Variants in PRKACB observed in about 807,000 individuals in gnomAD.
PRKACB encodes protein kinase cAMP-activated catalytic subunit beta, also known as cAMP-dependent protein kinase catalytic subunit beta.
A neutral mutation model predicts 51.4 loss-of-function variants in PRKACB; 16 were observed. The observed-to-expected ratio is 0.31, with a 90% CI of 0.21 to 0.47. The LOEUF (loss-of-function observed/expected upper bound fraction) is 0.47. Ranked by LOEUF, PRKACB falls within the 20% of genes least tolerant of loss-of-function variation. The probability of loss-of-function intolerance (pLI) is 1.00; values close to 1 mark genes in which losing one functional copy is unlikely to be tolerated. For synonymous variants in PRKACB, 147 were observed against 154.4 expected, an observed-to-expected ratio of 0.95 and a Z score of 0.35; for missense variants, 309 against 464.5, an observed-to-expected ratio of 0.67 and a Z score of 3.08.
In PRKACB at chr1:84,235,451, G is replaced by A; in HGVS notation, c.*146G>A. On this transcript the variant is annotated 3_prime_UTR_variant, in exon 10 of 10. Transcript: ENST00000370685. ...GAGGTCTTTATTGCCATCATCCCGT[G>A]TGCGCACTCTGCATCCACCTATGTA... 2 of 1,036,428 alleles carry A rather than the reference G, an allele frequency of 1.9e-6. No individual in the cohort carries two copies. Among genetic ancestry groups the A allele is most frequent in the Non-Finnish European group, 1.4e-6 (1 of 712,786 alleles). 64.2% of individuals were successfully genotyped at this position (1,036,428 alleles called of 1,614,324 possible). A position where few individuals can be genotyped will look rare whatever the true frequency, so the allele number is the denominator to read the frequency against.
chr1:84,209,351 T>A (rs1671800386), intron 8 of PRKACB, among the ~76,000 whole-genome samples: 1 of 151,994 alleles, frequency 6.6e-6, no homozygotes, highest in Non-Finnish European at 1.5e-5. Flanking sequence ...AACTGACAAG[T>A]TTTTGTCCTC....
chr1:84,148,566 C>T (rs145288711), intron 1 of PRKACB, among the ~76,000 whole-genome samples: 22 of 152,126 alleles, frequency 1.4e-4, no homozygotes, highest in Non-Finnish European at 2.8e-4. Flanking sequence ...AACATCACTG[C>T]AGTATTACAC....
intron 1 of PRKACB, chr1:84,175,914 G>A (rs1032524373): frequency 2.3e-6 from 2 of 874,030 alleles, no homozygotes; most frequent in East Asian, 3.1e-5. Context: ...TTAATTTTTT[G>A]TGTGTCCTCT....
At chr1:84,126,266 A>G (rs1651597675) in intron 1 of PRKACB, among the ~76,000 whole-genome samples, 1 of 152,180 alleles carries the variant, frequency 6.6e-6, no homozygotes, top group Admixed American at 6.5e-5. Flanking sequence ...TCCAGGAAGA[A>G]TAAGGTCATA....
intron 5 of PRKACB, among the ~76,000 whole-genome samples, chr1:84,193,295 G>A (rs1433381175): frequency 6.6e-6 from 1 of 152,066 alleles, no homozygotes; most frequent in Non-Finnish European, 1.5e-5. Context: ...CTCCAATGGG[G>A]GTACTTCATG....
At chr1:84,219,063 A>G (rs939482641) in intron 9 of PRKACB, among the ~76,000 whole-genome samples, 9 of 152,082 alleles carry the variant, frequency 5.9e-5, no homozygotes, top group African/African-American at 1.7e-4. Context: ...ATAGTTTGCA[A>G]ATATTTTTTT....
At chr1:84,123,403 C>G (rs1651259234) in intron 1 of PRKACB, among the ~76,000 whole-genome samples, 1 of 152,006 alleles carries the variant, frequency 6.6e-6, no homozygotes, top group Non-Finnish European at 1.5e-5. Flanking sequence ...TATAGAGAAA[C>G]TAATGGGTTC....
chr1:84,121,483 G>A (rs1422779401), intron 1 of PRKACB, among the ~76,000 whole-genome samples: 2 of 151,940 alleles, frequency 1.3e-5, no homozygotes, highest in Non-Finnish European at 2.9e-5. Flanking sequence ...GCCAATCGTA[G>A]CTAAAACTGT....
intron 1 of PRKACB, among the ~76,000 whole-genome samples, chr1:84,125,916 C>T (rs1208718903): frequency 1.3e-5 from 2 of 152,118 alleles, no homozygotes; most frequent in Non-Finnish European, 2.9e-5. Flanking sequence ...TCCCTTGACC[C>T]CTTCGCGGGA....
intron 9 of PRKACB, among the ~76,000 whole-genome samples, chr1:84,231,706 C>T (rs1010932451): frequency 1.3e-5 from 2 of 151,896 alleles, no homozygotes; most frequent in African/African-American, 2.4e-5. Context: ...AGTTTATTTG[C>T]GTAGAGGTGT....
At chr1:84,138,541 A>T (rs1479774618) in intron 1 of PRKACB, among the ~76,000 whole-genome samples, 2 of 152,162 alleles carry the variant, frequency 1.3e-5, no homozygotes. Context: ...TTCAAAAAAA[A>T]TCAAAAACAA....
At chr1:84,232,839 A>C (rs1002636802) in intron 9 of PRKACB, among the ~76,000 whole-genome samples, 2 of 152,146 alleles carry the variant, frequency 1.3e-5, no homozygotes, top group Non-Finnish European at 2.9e-5. Context: ...TGAATACAGC[A>C]TACTGATGGG....
At chr1:84,120,540 T>G (rs1451670034) in intron 1 of PRKACB, among the ~76,000 whole-genome samples, 6 of 152,096 alleles carry the variant, frequency 3.9e-5, no homozygotes, top group Non-Finnish European at 8.8e-5. Context: ...CACACAATAA[T>G]GACTGTGCAT....
intron 7 of PRKACB, among the ~76,000 whole-genome samples, chr1:84,198,879 T>C (rs1668984732): frequency 6.7e-6 from 1 of 148,896 alleles, no homozygotes; most frequent in African/African-American, 2.5e-5. Flanking sequence ...ACCACATATA[T>C]GTGTATATAT....
chr1:84,137,632 T>G (rs1342568685), intron 1 of PRKACB, among the ~76,000 whole-genome samples: 1 of 152,212 alleles, frequency 6.6e-6, no homozygotes, highest in Non-Finnish European at 1.5e-5. Flanking sequence ...ATGTGTTGAC[T>G]TAAGTTACCT....
At chr1:84,090,265 A>G (rs193011451) in intron 1 of PRKACB, among the ~76,000 whole-genome samples, 1 of 152,342 alleles carries the variant, frequency 6.6e-6, no homozygotes, top group African/African-American at 2.4e-5. Flanking sequence ...AATAAAAGCT[A>G]TCAGACAGGA....
intron 8 of PRKACB, among the ~76,000 whole-genome samples, chr1:84,203,505 C>T (rs1670719539): frequency 6.6e-6 from 1 of 151,878 alleles, no homozygotes; most frequent in African/African-American, 2.4e-5. Flanking sequence ...GCTCAGACCT[C>T]GGATCTTTTT....
At position 84,078,403 on chromosome 1, in the gene PRKACB, G is replaced by A. The variant is rs754074071; in HGVS notation, c.46+32G>A. 10 of 1,605,234 alleles carry A rather than the reference G, an allele frequency of 6.2e-6. No homozygotes were observed. The South Asian group carries it at 1.0e-4, about 16-fold the overall frequency. On this transcript the variant is annotated intron_variant, in intron 1 of 8. Coordinates refer to the PRKACB transcript ENST00000370688. ...TGAAGGCCGGGTCTGGGTATCCGCTGGGCGGGCCGGCGCGGGGCACCGAGC... is the reference window on the plus strand; with the variant it reads ...TGAAGGCCGGGTCTGGGTATCCGCTAGGCGGGCCGGCGCGGGGCACCGAGC...
chr1:84,207,284 T>C (rs1327663985), intron 8 of PRKACB, among the ~76,000 whole-genome samples: 2 of 152,188 alleles, frequency 1.3e-5, no homozygotes, highest in Non-Finnish European at 2.9e-5. Context: ...TCATTATATC[T>C]ACCACTGTTT....
Sources: gnomAD v4.1 joint callset for allele counts (sites outside exome capture counted in the v4.1 genomes callset) on GRCh38, gnomAD v4.1.1 for gene constraint, MANE v1.5 for transcripts, NCBI Gene and HGNC (gene_info 2026-07-23, HGNC 2026-07-21) for gene names.